Variants in USH2A observed in about 807,000 individuals in gnomAD.
USH2A encodes usherin, also known as Usher syndrome 2A (autosomal recessive, mild).
A neutral mutation model predicts 538.9 loss-of-function variants in USH2A; 443 were observed. That is an observed-to-expected ratio of 0.82 (90% confidence interval 0.76 to 0.89). USH2A has a LOEUF of 0.89. Among genes scored for constraint, USH2A ranks in the 40% least tolerant of loss-of-function variants. The pLI is 0.00. For missense variants in USH2A, 6,633 were observed against 6,324.8 expected, an observed-to-expected ratio of 1.05 and a Z score of -1.65; for synonymous variants, 2,413 against 2,273.5, an observed-to-expected ratio of 1.06 and a Z score of -1.75.
intron 62 of USH2A, among the ~76,000 whole-genome samples, chr1:215,679,369 G>A (rs1658146160): frequency 6.6e-6 from 1 of 152,154 alleles, no homozygotes; most frequent in Admixed American, 6.5e-5. Flanking sequence ...GCAGGCTGGG[G>A]GACTCTGCAG....
intron 9 of USH2A, among the ~76,000 whole-genome samples, chr1:216,299,820 A>AT (rs1262863305): frequency 1.3e-5 from 2 of 152,150 alleles, no homozygotes; most frequent in Admixed American, 6.5e-5. Context: ...AAAAATATAC[A>AT]TTTTTTCCAA....
At chr1:215,771,377 G>A (rs561979702) in intron 55 of USH2A, among the ~76,000 whole-genome samples, 2 of 151,052 alleles carry the variant, frequency 1.3e-5, no homozygotes, top group African/African-American at 2.4e-5. Flanking sequence ...TCAGGAGATC[G>A]AGACCATCCC....
At position 215,670,156 on chromosome 1, in the gene USH2A, C is replaced by G. The variant is rs78943279; in HGVS notation, c.14133+816G>C. The stretch of plus-strand genomic sequence containing the variant: ...GATTGAGGTTAGGGATATTTTATCA[C>G]GACTTCTCACCTCCACCTTTTAAAA... On this transcript the variant is annotated intron_variant, in intron 64 of 71. Coordinates refer to ENST00000307340, the MANE Select transcript of USH2A (RefSeq NM_206933.4). Among the ~76,000 whole-genome samples, 946 of 152,298 alleles carry G rather than the reference C, an allele frequency of 6.2e-3. 20 individuals are homozygous for G. Among genetic ancestry groups the G allele is most frequent in the South Asian group, 0.058 (280 of 4,828 alleles).
chr1:215,882,333 A>G (rs988246979), intron 41 of USH2A, among the ~76,000 whole-genome samples: 4 of 152,218 alleles, frequency 2.6e-5, no homozygotes, highest in Non-Finnish European at 4.4e-5. Context: ...ATGTGGGAAT[A>G]TTTGACTCCG....
chr1:216,274,968 AT>A, intron 11 of USH2A, among the ~76,000 whole-genome samples: 1 of 152,142 alleles, frequency 6.6e-6, no homozygotes, highest in African/African-American at 2.4e-5. Flanking sequence ...GGAAAGGAAT[AT>A]TTTTTTCTCA....
At position 216,241,361 on chromosome 1, in the gene USH2A, T is replaced by G. The variant is rs922993477; in HGVS notation, c.2809+5224A>C. Among the ~76,000 whole-genome samples, 3 of 152,326 alleles carry G rather than the reference T, an allele frequency of 2.0e-5. No homozygotes were observed. The East Asian group carries it at 5.8e-4, about 29-fold the overall frequency. On this transcript the variant is annotated intron_variant, in intron 13 of 71. Transcript: ENST00000307340. ...ATGATAAGGCAGGGCTCTTTACATT[T>G]TATTTGGTTTTTTAAATTATGCAAA...
intron 47 of USH2A, among the ~76,000 whole-genome samples, chr1:215,822,539 T>C (rs1475254005): frequency 6.6e-6 from 1 of 151,992 alleles, no homozygotes; most frequent in African/African-American, 2.4e-5. Flanking sequence ...CTTTAGGTTT[T>C]CTAATTATAA....
chr1:216,209,732 C>T (rs181463002), intron 15 of USH2A, among the ~76,000 whole-genome samples: 33 of 152,280 alleles, frequency 2.2e-4, no homozygotes, highest in African/African-American at 7.9e-4. Flanking sequence ...CACAATAAGC[C>T]TATCTTTTGT....
chr1:215,729,198 G>A (rs757092628), intron 60 of USH2A, among the ~76,000 whole-genome samples: 16 of 152,052 alleles, frequency 1.1e-4, no homozygotes, highest in Non-Finnish European at 1.9e-4. Flanking sequence ...AAAAGCCCAG[G>A]TTGGCATACT....
intron 64 of USH2A, among the ~76,000 whole-genome samples, chr1:215,669,458 G>GT (rs1657741861): frequency 6.6e-6 from 1 of 152,026 alleles, no homozygotes; most frequent in Non-Finnish European, 1.5e-5. Flanking sequence ...AAATAATTTT[G>GT]TTTTTAGATT....
intron 30 of USH2A, among the ~76,000 whole-genome samples, chr1:216,057,956 A>G (rs78331553): frequency 0.086 from 13,158 of 152,234 alleles, 702 homozygotes; most frequent in African/African-American, 0.15. Flanking sequence ...GAAGCTAGGT[A>G]CAGCCATGTG....
chr1:215,835,851 A>T (rs113082539), intron 47 of USH2A, among the ~76,000 whole-genome samples: 1 of 152,062 alleles, frequency 6.6e-6, no homozygotes, highest in African/African-American at 2.4e-5. Flanking sequence ...TGCTTACAAA[A>T]TTGTGTTGCA....
At chr1:215,738,663 A>T (rs943812568) in intron 60 of USH2A, among the ~76,000 whole-genome samples, 1 of 152,154 alleles carries the variant, frequency 6.6e-6, no homozygotes, top group African/African-American at 2.4e-5. Context: ...AAAATGATTC[A>T]GGGTCTTGGT....
Position 215,900,868 on chromosome 1 carries a change from G to A in USH2A, c.7338C>T (p.Ala2446=), listed in dbSNP as rs1438605138. 1 of 1,613,686 alleles carries A rather than the reference G, an allele frequency of 6.2e-7. No homozygotes were observed. Among genetic ancestry groups the A allele is most frequent in the Non-Finnish European group, 8.5e-7 (1 of 1,179,754 alleles). Residue 2446 remains alanine (A), a synonymous_variant, in exon 39 of 72, where the codon GCC becomes GCT. Transcript: ENST00000307340. ...DGVLPPRLSS[A]TPTSLQVVWS... is the part of the protein sequence containing the mutation. ...AGACAACCTGAAGACTGGTTGGAGTGGCAGATGAAAGCCTGGGAGGCAGCA... is the reference window on the plus strand; with the variant it reads ...AGACAACCTGAAGACTGGTTGGAGTAGCAGATGAAAGCCTGGGAGGCAGCA...
At position 215,813,871 on chromosome 1, in the gene USH2A, G is replaced by T; in HGVS notation, c.9604C>A (p.Pro3202Thr). ...CCNGVLYNPKPGHRCCEEKYI... is the reference protein window; with the variant it reads ...CCNGVLYNPKTGHRCCEEKYI... ...TTTTCTTCACAACAGCGATGTCCAG[G>T]CTTGGGGTTATAGAGCACTCCGTTA... is the stretch of plus-strand genomic sequence containing the variant. The change falls in exon 49 of 72, where the codon CCT becomes ACT. Residue 3202 changes from proline to threonine, a missense_variant. Coordinates refer to ENST00000307340, the MANE Select transcript of USH2A (RefSeq NM_206933.4). 6.2e-7 allele frequency: 1 copy of T among 1,613,772 alleles called. No homozygotes were observed. Among genetic ancestry groups the T allele is most frequent in the Non-Finnish European group, 8.5e-7 (1 of 1,179,810 alleles).
At chr1:216,230,222 C>G (rs1165228948) in intron 14 of USH2A, among the ~76,000 whole-genome samples, 1 of 152,088 alleles carries the variant, frequency 6.6e-6, no homozygotes, top group Non-Finnish European at 1.5e-5. Context: ...CCAAGAGTTC[C>G]AACTGGGGAA....
At chr1:216,029,154 C>T (rs1188942757) in intron 32 of USH2A, among the ~76,000 whole-genome samples, 1 of 151,938 alleles carries the variant, frequency 6.6e-6, no homozygotes, top group Non-Finnish European at 1.5e-5. Context: ...GTACAGAAGA[C>T]CTTACATAAA....
At chr1:215,820,511 C>T (rs1024117166) in intron 47 of USH2A, among the ~76,000 whole-genome samples, 2 of 151,674 alleles carry the variant, frequency 1.3e-5, no homozygotes, top group African/African-American at 4.8e-5. Flanking sequence ...TTAATACATT[C>T]ATATAATTTG....
chr1:216,315,964 C>A (rs1218650064), intron 9 of USH2A, among the ~76,000 whole-genome samples: 4 of 152,036 alleles, frequency 2.6e-5, no homozygotes, highest in Non-Finnish European at 5.9e-5. Context: ...TAAAGTGAGC[C>A]TAGTAAATTA....
Sources: gnomAD v4.1 joint callset for allele counts (sites outside exome capture counted in the v4.1 genomes callset) on GRCh38, gnomAD v4.1.1 for gene constraint, MANE v1.5 for transcripts, NCBI Gene and HGNC (gene_info 2026-07-23, HGNC 2026-07-21) for gene names.